YWHAG: variants seen among roughly 807,000 people sequenced by gnomAD.
YWHAG encodes tyrosine 3-monooxygenase/tryptophan 5-monooxygenase activation protein gamma.
Under a neutral mutation model 23.3 loss-of-function variants are expected in YWHAG, and 1 was observed. The observed-to-expected ratio is 0.04, with a 90% CI of 0.02 to 0.20. YWHAG has a LOEUF of 0.20. Ranked by LOEUF, YWHAG falls within the 10% of genes least tolerant of loss-of-function variation. The pLI is 1.00. For synonymous variants in YWHAG, 160 were observed against 144.0 expected (o/e 1.11, Z -0.80); for missense variants, 151 against 338.6 (o/e 0.45, Z 4.35).
At chr7:76,341,670 A>G (rs1052356654) in intron 1 of YWHAG, among the ~76,000 whole-genome samples, 5 of 151,960 alleles carry the variant, frequency 3.3e-5, no homozygotes, top group Non-Finnish European at 4.4e-5. Context: ...CAGTTACATA[A>G]TATGTCCAGA....
At chr7:76,336,755 C>CTT (rs36057808) in intron 1 of YWHAG, among the ~76,000 whole-genome samples, 248 of 133,238 alleles carry the variant, frequency 1.9e-3, no homozygotes, top group Non-Finnish European at 2.7e-3. Flanking sequence ...GGTGCCCGGT[C>CTT]TTTTTTTTTT....
Position 76,329,796 on chromosome 7 carries a change from C to G in YWHAG, c.525G>C (p.Leu175=), listed in dbSNP as rs1803516869. ...MQPTHPIRLG[L]ALNYSVFYYE... is the part of the protein sequence containing the mutation. ...AGTAGAAGACGGAGTAGTTAAGAGCCAGGCCTAATCGGATGGGGTGGGTGG... is the reference window on the plus strand; with the variant it reads ...AGTAGAAGACGGAGTAGTTAAGAGCGAGGCCTAATCGGATGGGGTGGGTGG... The change falls in exon 2 of 2, where the codon CTG becomes CTC. Residue 175 remains leucine, a synonymous_variant. Transcript: ENST00000307630. This position sits in a 1 kb window ranked among gnomAD's most constrained non-coding sequence, Gnocchi z 6.1. 1.2e-6 allele frequency: 2 copies of G among 1,613,868 alleles called. No individual in the cohort carries two copies. Among genetic ancestry groups the G allele is most frequent in the African/African-American group, 1.3e-5 (1 of 74,952 alleles).
chr7:76,358,641 G>A, intron 1 of YWHAG, 81 bp downstream of exon 1: 1 of 1,385,020 alleles, frequency 7.2e-7, no homozygotes, highest in South Asian at 1.4e-5. Flanking sequence ...GCGACAGGGC[G>A]ACGAAGCCCC....
At chr7:76,345,658 T>C (rs1330652750) in intron 1 of YWHAG, among the ~76,000 whole-genome samples, 1 of 151,872 alleles carries the variant, frequency 6.6e-6, no homozygotes, top group African/African-American at 2.4e-5. Context: ...TTTAAAAAAA[T>C]GAGGCCTGGC....
At chr7:76,356,184 A>G (rs1449382610) in intron 1 of YWHAG, among the ~76,000 whole-genome samples, 1 of 152,236 alleles carries the variant, frequency 6.6e-6, no homozygotes, top group East Asian at 1.9e-4. Flanking sequence ...TGCAGTTTCC[A>G]AATTCTCCAC....
intron 1 of YWHAG, among the ~76,000 whole-genome samples, chr7:76,349,416 A>T (rs1163799919): frequency 8.1e-6 from 1 of 123,122 alleles, no homozygotes; most frequent in Non-Finnish European, 1.6e-5. Context: ...ATCATTTATT[A>T]ATACACACAC....
At position 76,327,713 on chromosome 7, in the gene YWHAG, T is replaced by C. The variant is rs1803469949; in HGVS notation, c.*1864A>G. 2 of 79,326 alleles carry C rather than the reference T, an allele frequency of 2.5e-5. No individual in the cohort carries two copies. Among genetic ancestry groups the C allele is most frequent in the Non-Finnish European group, 4.7e-5 (2 of 42,700 alleles). 4.9% of individuals were successfully genotyped at this position (79,326 alleles called of 1,614,324 possible). On this transcript the variant is annotated 3_prime_UTR_variant, in exon 2 of 2. Coordinates refer to ENST00000307630, the MANE Select transcript of YWHAG (RefSeq NM_012479.4). The stretch of plus-strand genomic sequence containing the variant: ...CCAAATCGTCTTCCTCCCATGGCAA[T>C]GACTTTAGGCGCCTGTGAGAGGCAC...
Position 76,327,142 on chromosome 7 carries a change from A to G in YWHAG, c.*2435T>C, listed in dbSNP as rs1198316062. On this transcript the variant is annotated 3_prime_UTR_variant, in exon 2 of 2. Transcript: ENST00000307630. ...ACAAAATATATAACTGCATGTCACT[A>G]TAGCAACATCCAAAACAGATCAATT... 1 of 152,302 alleles carries G rather than the reference A, an allele frequency of 6.6e-6. No individual in the cohort carries two copies. Among genetic ancestry groups the G allele is most frequent in the Non-Finnish European group, 1.5e-5 (1 of 68,012 alleles). The allele number at this position is 152,302 out of a possible 1,614,324, so 9.4% of individuals were successfully genotyped here.
In YWHAG at chr7:76,348,657, G is replaced by C. The variant is rs189774699; in HGVS notation, c.87+10065C>G. 2.4e-3 allele frequency among the ~76,000 whole-genome samples: 365 copies of C among 152,100 alleles called. 1 individual carries two copies. The highest frequency in any genetic ancestry group is 4.3e-3 in the Admixed American group (66 of 15,270). On this transcript the variant is annotated intron_variant, in intron 1 of 1. Transcript: ENST00000307630. ...CTAACCTCGTGATGCACCCACCTCA[G>C]CCTCCCAAAGTGCTGGGATTACAGG...
At chr7:76,352,874 C>T (rs1033939877) in intron 1 of YWHAG, among the ~76,000 whole-genome samples, 1 of 152,156 alleles carries the variant, frequency 6.6e-6, no homozygotes, top group African/African-American at 2.4e-5. Flanking sequence ...TGGTCTTGAA[C>T]TCCTGACCTC....
At chr7:76,340,026 T>G (rs977746607) in intron 1 of YWHAG, among the ~76,000 whole-genome samples, 2 of 152,138 alleles carry the variant, frequency 1.3e-5, no homozygotes, top group Admixed American at 1.3e-4. Context: ...GAGGCGGACA[T>G]TGCAGTGAGC....
At chr7:76,334,636 G>A (rs1328387087) in intron 1 of YWHAG, among the ~76,000 whole-genome samples, 5 of 151,662 alleles carry the variant, frequency 3.3e-5, no homozygotes, top group Admixed American at 1.3e-4. Flanking sequence ...GGCTGGTTTC[G>A]AACTCCTGAG....
chr7:76,337,993 C>T (rs918088802), intron 1 of YWHAG, among the ~76,000 whole-genome samples: 4 of 151,988 alleles, frequency 2.6e-5, no homozygotes, highest in African/African-American at 4.8e-5. Context: ...TTTATAAGTC[C>T]GGTGACCAGG....
At chr7:76,358,675 G>C in intron 1 of YWHAG, 47 bp downstream of exon 1, 2 of 1,526,544 alleles carry the variant, frequency 1.3e-6, no homozygotes, top group Non-Finnish European at 1.8e-6. Flanking sequence ...CAAGGACCGC[G>C]TCTTCGGAGG....
At chr7:76,334,735 AAAAG>A (rs1188769204) in intron 1 of YWHAG, among the ~76,000 whole-genome samples, 45 of 149,166 alleles carry the variant, frequency 3.0e-4, no homozygotes, top group African/African-American at 8.1e-4. Flanking sequence ...TTTAAAAAAA[AAAAG>A]AAAGAAAGAA....
At chr7:76,344,673 G>T (rs1803749382) in intron 1 of YWHAG, among the ~76,000 whole-genome samples, 1 of 152,070 alleles carries the variant, frequency 6.6e-6, no homozygotes, top group African/African-American at 2.4e-5. Context: ...TTATTTATCT[G>T]TGTCCAGACC....
chr7:76,358,483 G>A (rs973152798), intron 1 of YWHAG, among the ~76,000 whole-genome samples: 1 of 146,838 alleles, frequency 6.8e-6, no homozygotes, highest in South Asian at 2.1e-4. Context: ...CCTCGCCCCG[G>A]CCCGCGCCCG....
intron 1 of YWHAG, among the ~76,000 whole-genome samples, chr7:76,338,181 C>A (rs1252324333): frequency 6.6e-6 from 1 of 152,192 alleles, no homozygotes; most frequent in African/African-American, 2.4e-5. Context: ...GAGTATCAGT[C>A]ACAGAGGTAT....
intron 1 of YWHAG, among the ~76,000 whole-genome samples, chr7:76,330,678 G>C (rs755411986): frequency 3.9e-5 from 6 of 152,154 alleles, no homozygotes; most frequent in Non-Finnish European, 5.9e-5. Context: ...GAAACATGGA[G>C]GCCTTTCTGC....
Sources: allele counts gnomAD v4.1 joint callset (sites outside exome capture counted in the v4.1 genomes callset), GRCh38; gene constraint gnomAD v4.1.1; non-coding constraint Gnocchi (gnomAD v3.1); transcripts MANE v1.5; gene names NCBI Gene and HGNC (gene_info 2026-07-23, HGNC 2026-07-21).